Variants in NPAS3 observed in about 807,000 individuals in gnomAD.
NPAS3 encodes neuronal PAS domain protein 3, also known as neuronal PAS domain-containing protein 3.
A neutral mutation model predicts 73.1 loss-of-function variants in NPAS3; 14 were observed. The ratio of observed to expected loss-of-function variants is 0.19; its 90% CI spans 0.13 to 0.30. NPAS3 has a LOEUF of 0.30. Among genes scored for constraint, NPAS3 ranks in the 10% least tolerant of loss-of-function variants. The pLI is 1.00. For synonymous variants in NPAS3, 620 were observed against 541.5 expected (o/e 1.14, Z -2.01); for missense variants, 1,096 against 1,250.0 (o/e 0.88, Z 1.86).
intron 2 of NPAS3, among the ~76,000 whole-genome samples, chr14:33,111,203 G>T (rs1048239849): frequency 2.6e-5 from 4 of 152,186 alleles, no homozygotes; most frequent in Non-Finnish European, 2.9e-5. Context: ...AGGGAGCAAG[G>T]CCCTTCTTCC....
At chr14:33,241,475 G>A (rs1385114682) in intron 3 of NPAS3, among the ~76,000 whole-genome samples, 1 of 151,912 alleles carries the variant, frequency 6.6e-6, no homozygotes, top group African/African-American at 2.4e-5. Flanking sequence ...CAAAGGGAGT[G>A]GAGAATAATT....
chr14:33,083,980 C>T (rs1001961294), intron 2 of NPAS3, among the ~76,000 whole-genome samples: 2 of 152,146 alleles, frequency 1.3e-5, no homozygotes, highest in Non-Finnish European at 2.9e-5. Flanking sequence ...GAATGAAAGC[C>T]TCTTCTCAGG....
chr14:33,710,719 T>C (rs1250043115), intron 6 of NPAS3, among the ~76,000 whole-genome samples: 2 of 152,192 alleles, frequency 1.3e-5, no homozygotes, highest in Non-Finnish European at 2.9e-5. Context: ...AGGCTGAGTG[T>C]CCCTAGGACA....
chr14:33,302,264 A>C (rs2042581543), intron 3 of NPAS3, among the ~76,000 whole-genome samples: 1 of 152,194 alleles, frequency 6.6e-6, no homozygotes, highest in Non-Finnish European at 1.5e-5. Flanking sequence ...GGAATTAGGA[A>C]GAATAGGTAA....
At chr14:33,390,688 A>G (rs1594819483) in intron 4 of NPAS3, among the ~76,000 whole-genome samples, 2 of 152,186 alleles carry the variant, frequency 1.3e-5, no homozygotes, top group Admixed American at 6.5e-5. Flanking sequence ...TGCCTGGACT[A>G]TACCTAGGAT....
intron 5 of NPAS3, among the ~76,000 whole-genome samples, chr14:33,576,036 T>C (rs577683024): frequency 1.9e-3 from 295 of 151,998 alleles, no homozygotes; most frequent in Non-Finnish European, 2.2e-3. Flanking sequence ...TGTGGCAAAC[T>C]GGATTTTACA....
At chr14:33,562,223 A>T (rs1418777706) in intron 5 of NPAS3, among the ~76,000 whole-genome samples, 2 of 152,236 alleles carry the variant, frequency 1.3e-5, no homozygotes, top group African/African-American at 4.8e-5. Context: ...CTGTATCATT[A>T]AGTAAAATCT....
At chr14:33,009,170 G>A (rs1713429552) in intron 1 of NPAS3, among the ~76,000 whole-genome samples, 2 of 152,164 alleles carry the variant, frequency 1.3e-5, no homozygotes, top group Non-Finnish European at 2.9e-5. Context: ...TATTAGAAAA[G>A]TAAATGCTAA....
intron 9 of NPAS3, among the ~76,000 whole-genome samples, chr14:33,782,607 C>T (rs1396245028): frequency 6.6e-6 from 1 of 152,104 alleles, no homozygotes; most frequent in Admixed American, 6.5e-5. Context: ...TCTGCTCCAC[C>T]AGGGAGGCTC....
chr14:33,542,641 AAAAATT>A (rs1301776549), intron 4 of NPAS3, among the ~76,000 whole-genome samples: 1 of 152,246 alleles, frequency 6.6e-6, no homozygotes, highest in Non-Finnish European at 1.5e-5. Context: ...AGATAAGAAG[AAAAATT>A]AACTTAGGAT....
At chr14:33,123,606 G>A (rs886287318) in intron 2 of NPAS3, among the ~76,000 whole-genome samples, 4 of 152,038 alleles carry the variant, frequency 2.6e-5, no homozygotes, top group Non-Finnish European at 4.4e-5. Flanking sequence ...AGATAGTCGG[G>A]AGGAGAAGCA....
chr14:33,122,030 T>C (rs2043249421), intron 2 of NPAS3, among the ~76,000 whole-genome samples: 1 of 152,172 alleles, frequency 6.6e-6, no homozygotes, highest in Admixed American at 6.6e-5. Context: ...TGTTAATGTA[T>C]CACTGTTAAA....
At chr14:33,340,276 C>T (rs1390181673) in intron 3 of NPAS3, among the ~76,000 whole-genome samples, 1 of 152,174 alleles carries the variant, frequency 6.6e-6, no homozygotes, top group Non-Finnish European at 1.5e-5. Flanking sequence ...AGGTGGATCA[C>T]CTGAGGTCAG....
chr14:32,961,198 G>A (rs1460517131), intron 1 of NPAS3, among the ~76,000 whole-genome samples: 2 of 151,886 alleles, frequency 1.3e-5, no homozygotes, highest in Non-Finnish European at 2.9e-5. Context: ...CGGATCACGA[G>A]GTCAGGAGGT....
chr14:33,298,742 A>G (rs4982067), intron 3 of NPAS3, among the ~76,000 whole-genome samples: 63,410 of 151,964 alleles, frequency 0.42, 13,530 homozygotes, highest in African/African-American at 0.51. Flanking sequence ...TTAATAAAAA[A>G]GTGATATTTG....
intron 5 of NPAS3, among the ~76,000 whole-genome samples, chr14:33,594,997 AC>A (rs2057192880): frequency 6.6e-6 from 1 of 152,162 alleles, no homozygotes. Flanking sequence ...AAAGGAGAAA[AC>A]CATGCCATTT....
At chr14:33,410,610 T>C (rs2047879470) in intron 4 of NPAS3, among the ~76,000 whole-genome samples, 1 of 152,326 alleles carries the variant, frequency 6.6e-6, no homozygotes, top group African/African-American at 2.4e-5. Flanking sequence ...ATCACAAAAA[T>C]GTGTCCCAAG....
chr14:33,597,984 T>C (rs1365348897), intron 5 of NPAS3, among the ~76,000 whole-genome samples: 1 of 152,196 alleles, frequency 6.6e-6, no homozygotes, highest in Non-Finnish European at 1.5e-5. Context: ...TTCTCTTAAT[T>C]CTGTTGCAGT....
intron 2 of NPAS3, among the ~76,000 whole-genome samples, chr14:33,167,176 G>A (rs1365646975): frequency 6.6e-6 from 1 of 152,120 alleles, no homozygotes; most frequent in Non-Finnish European, 1.5e-5. Context: ...TTCAGACTTT[G>A]TTTATTAGCA....
Sources: gnomAD v4.1 joint callset for allele counts (sites outside exome capture counted in the v4.1 genomes callset) on GRCh38, gnomAD v4.1.1 for gene constraint, MANE v1.5 for transcripts, NCBI Gene and HGNC (gene_info 2026-07-23, HGNC 2026-07-21) for gene names.